MYO1D: variants seen among roughly 807,000 people sequenced by gnomAD.
The protein encoded by MYO1D is myosin ID, also known as unconventional myosin-Id.
In MYO1D, 83 loss-of-function variants were observed where a neutral mutation model predicts 122.0. The observed-to-expected ratio is 0.68, with a 90% CI of 0.57 to 0.82. MYO1D has a LOEUF of 0.82. Among genes scored for constraint, MYO1D ranks in the 40% least tolerant of loss-of-function variants. The pLI is 0.00. For synonymous variants in MYO1D, 464 were observed against 446.9 expected (o/e 1.04, Z -0.48); for missense variants, 1,157 against 1,269.5 (o/e 0.91, Z 1.35).
chr17:32,646,116 C>G (rs909572072), intron 19 of MYO1D, among the ~76,000 whole-genome samples: 28 of 152,246 alleles, frequency 1.8e-4, no homozygotes, highest in African/African-American at 6.3e-4. Context: ...AGTTTTCCTT[C>G]TAACAGTCAG....
At chr17:32,848,107 G>A (rs1041391012) in intron 1 of MYO1D, among the ~76,000 whole-genome samples, 2 of 152,132 alleles carry the variant, frequency 1.3e-5, no homozygotes, top group Non-Finnish European at 1.5e-5. Flanking sequence ...GCCTCTCTCC[G>A]TTCTAGTTAG....
At chr17:32,784,630 T>C (rs1354428705) in intron 1 of MYO1D, among the ~76,000 whole-genome samples, 1 of 152,208 alleles carries the variant, frequency 6.6e-6, no homozygotes, top group African/African-American at 2.4e-5. Context: ...AATATAAAGG[T>C]ATAATAATGA....
At chr17:32,540,830 G>A (rs1316894513) in intron 21 of MYO1D, among the ~76,000 whole-genome samples, 3 of 151,602 alleles carry the variant, frequency 2.0e-5, no homozygotes, top group Non-Finnish European at 2.9e-5. Context: ...GGAGGCTGAG[G>A]CAGGAGAATT....
intron 3 of MYO1D, among the ~76,000 whole-genome samples, chr17:32,776,892 C>G (rs2090177044): frequency 6.6e-6 from 1 of 152,194 alleles, no homozygotes; most frequent in South Asian, 2.1e-4. Context: ...TCTTCTTATA[C>G]AGGCATACCT....
intron 10 of MYO1D, among the ~76,000 whole-genome samples, chr17:32,759,344 T>C (rs2089978113): frequency 6.6e-6 from 1 of 152,126 alleles, no homozygotes; most frequent in Non-Finnish European, 1.5e-5. Context: ...TATCACTGTC[T>C]CTTTATTTCA....
intron 17 of MYO1D, 198 bp downstream of exon 17, chr17:32,658,917 C>A (rs537956514): frequency 5.2e-5 from 31 of 594,920 alleles, no homozygotes; most frequent in South Asian, 2.4e-4. Flanking sequence ...ACAGGAAAAA[C>A]AAATTGGCAG....
At chr17:32,736,096 C>T (rs1039255158) in intron 14 of MYO1D, among the ~76,000 whole-genome samples, 1 of 150,458 alleles carries the variant, frequency 6.6e-6, no homozygotes, top group Non-Finnish European at 1.5e-5. Context: ...TAGAACCTCT[C>T]AGTCTGGCTT....
intron 21 of MYO1D, among the ~76,000 whole-genome samples, chr17:32,591,648 T>C (rs977321960): frequency 1.3e-5 from 2 of 150,268 alleles, no homozygotes; most frequent in Non-Finnish European, 3.0e-5. Flanking sequence ...AAAACACAAA[T>C]CTTTGGTGAT....
At chr17:32,742,381 C>T (rs943548265) in intron 13 of MYO1D, among the ~76,000 whole-genome samples, 2 of 152,200 alleles carry the variant, frequency 1.3e-5, no homozygotes, top group Non-Finnish European at 1.5e-5. Flanking sequence ...AATCCACATG[C>T]TGTTTGGTTT....
intron 1 of MYO1D, among the ~76,000 whole-genome samples, chr17:32,862,187 T>C (rs1451481126): frequency 6.6e-6 from 1 of 152,232 alleles, no homozygotes. Context: ...ACCCACATAC[T>C]TGGACACGTC....
intron 21 of MYO1D, among the ~76,000 whole-genome samples, chr17:32,530,314 C>T (rs567680224): frequency 2.0e-5 from 3 of 152,052 alleles, no homozygotes; most frequent in Non-Finnish European, 2.9e-5. Context: ...AGATAATGTA[C>T]GTGAAAGCCC....
chr17:32,522,688 A>T (rs533108998), intron 21 of MYO1D, among the ~76,000 whole-genome samples: 9 of 152,128 alleles, frequency 5.9e-5, no homozygotes, highest in African/African-American at 2.2e-4. Context: ...ACACGGAAAA[A>T]CGAGTGGGGT....
chr17:32,713,649 T>C (rs2089406906), intron 15 of MYO1D, among the ~76,000 whole-genome samples: 1 of 152,092 alleles, frequency 6.6e-6, no homozygotes, highest in South Asian at 2.1e-4. Context: ...ATTATTATTA[T>C]TTTGACACAG....
chr17:32,731,479 C>T lies in MYO1D; in HGVS notation c.1746+6774G>A, dbSNP rs368068393. Among the ~76,000 whole-genome samples the T allele has an allele frequency of 6.3e-4, 96 of 152,258 alleles. 2 individuals carry two copies. The highest frequency in any genetic ancestry group is 2.3e-3 in the South Asian group (11 of 4,818). ...TGATCATTTCTGTATCAGAAGTTTT[C>T]ATGAGTCTGAACCTGCTGTTTGTTG... On this transcript the variant is annotated intron_variant, in intron 14 of 21. Transcript: ENST00000318217.
intron 21 of MYO1D, among the ~76,000 whole-genome samples, chr17:32,598,550 G>C (rs547692607): frequency 2.3e-4 from 35 of 152,292 alleles, no homozygotes; most frequent in Admixed American, 2.0e-3. Context: ...GAGCCATACT[G>C]GTTGTTATAT....
intron 21 of MYO1D, among the ~76,000 whole-genome samples, chr17:32,589,874 T>C (rs1201351180): frequency 6.6e-6 from 1 of 152,252 alleles, no homozygotes; most frequent in Non-Finnish European, 1.5e-5. Flanking sequence ...TTTCTGGTTT[T>C]ATTACTGAGG....
chr17:32,686,495 A>C (rs1369511326), intron 16 of MYO1D: 1 of 152,196 alleles, frequency 6.6e-6, no homozygotes, highest in Non-Finnish European at 1.5e-5. Context: ...AGTTTGTGAT[A>C]ATTTTTTTTG....
chr17:32,712,574 A>G (rs2150986986), intron 15 of MYO1D, among the ~76,000 whole-genome samples: 1 of 152,312 alleles, frequency 6.6e-6, no homozygotes, highest in Non-Finnish European at 1.5e-5. Flanking sequence ...TAGTGAGACC[A>G]AGACATAATT....
chr17:32,748,895 C>T (rs369887327), intron 12 of MYO1D, 41 bp downstream of exon 12: 72 of 1,525,310 alleles, frequency 4.7e-5, no homozygotes, highest in Non-Finnish European at 6.1e-5. Flanking sequence ...TAAAGTGAGG[C>T]GGCATGCAAA....
Sources: gnomAD v4.1 joint callset for allele counts (sites outside exome capture counted in the v4.1 genomes callset) on GRCh38, gnomAD v4.1.1 for gene constraint, MANE v1.5 for transcripts, NCBI Gene and HGNC (gene_info 2026-07-23, HGNC 2026-07-21) for gene names.